The following PLLP variants were observed in gnomAD, a reference collection of about 807,000 sequenced individuals.
PLLP encodes the protein plasma membrane proteolipid (plasmolipin).
A neutral mutation model predicts 19.7 loss-of-function variants in PLLP; 15 were observed. The ratio of observed to expected loss-of-function variants is 0.76; its 90% CI spans 0.51 to 1.17. The LOEUF (loss-of-function observed/expected upper bound fraction) is 1.17, where lower values mean the gene tolerates loss of function less well. Ranked by LOEUF, PLLP falls within the 50% of genes most tolerant of loss-of-function variation. The pLI is 0.00. For missense variants in PLLP, 255 were observed against 258.3 expected (o/e 0.99, Z 0.09); for synonymous variants, 111 against 116.3 (o/e 0.95, Z 0.29).
At chr16:57,274,887 G>C (rs1052557895) in intron 1 of PLLP, among the ~76,000 whole-genome samples, 1 of 151,962 alleles carries the variant, frequency 6.6e-6, no homozygotes, top group East Asian at 1.9e-4. Flanking sequence ...TCAGCCTCCC[G>C]AGTAGCTGGG....
rs1339757514 is a variant in PLLP, at chr16:57,281,040, C to T, written c.135+3366G>A. On this transcript the variant is annotated intron_variant, in intron 1 of 3. Transcript: ENST00000219207. The stretch of plus-strand genomic sequence containing the variant: ...CTTCCATTTTCTCATTTATTTCCTG[C>T]TCCATGCAGCCTTCTCTGATCCCTC... 3.9e-5 allele frequency among the ~76,000 whole-genome samples: 6 copies of T among 152,310 alleles called. 1 individual carries two copies. The highest frequency in any genetic ancestry group is 3.9e-4 in the Admixed American group (6 of 15,292).
At chr16:57,281,683 T>C (rs1233987645) in intron 1 of PLLP, among the ~76,000 whole-genome samples, 4 of 151,762 alleles carry the variant, frequency 2.6e-5, no homozygotes, top group Admixed American at 6.6e-5. Flanking sequence ...GCTAATTTTG[T>C]TGTATTTTTA....
intron 3 of PLLP, among the ~76,000 whole-genome samples, chr16:57,257,840 G>A (rs143949759): frequency 6.6e-6 from 1 of 152,314 alleles, no homozygotes; most frequent in Non-Finnish European, 1.5e-5. Context: ...AAGGGGGCAC[G>A]TGACCCTAAG....
At chr16:57,277,356 G>A (rs897423886) in intron 1 of PLLP, among the ~76,000 whole-genome samples, 1 of 152,332 alleles carries the variant, frequency 6.6e-6, no homozygotes, top group Admixed American at 6.5e-5. Flanking sequence ...CTGGGAGGCC[G>A]AGGCGGGCGG....
At chr16:57,279,220 C>T (rs1362559249) in intron 1 of PLLP, among the ~76,000 whole-genome samples, 1 of 152,116 alleles carries the variant, frequency 6.6e-6, no homozygotes, top group Non-Finnish European at 1.5e-5. Flanking sequence ...TGGGAACTCC[C>T]CCAGGATCAT....
chr16:57,275,612 A>AC (rs1271620658), intron 1 of PLLP, among the ~76,000 whole-genome samples: 6 of 149,052 alleles, frequency 4.0e-5, no homozygotes, highest in African/African-American at 1.2e-4. Context: ...GCAAAAAAAA[A>AC]AAAAACACTA....
At chr16:57,283,752 T>A (rs1177573988) in intron 1 of PLLP, among the ~76,000 whole-genome samples, 1 of 152,026 alleles carries the variant, frequency 6.6e-6, no homozygotes, top group Non-Finnish European at 1.5e-5. Flanking sequence ...CTCGGTCCCG[T>A]GGGGCTGGCT....
chr16:57,261,815 C>T, intron 2 of PLLP, 82 bp downstream of exon 2: 2 of 1,287,180 alleles, frequency 1.6e-6, no homozygotes, highest in Non-Finnish European at 2.2e-6. Context: ...GTCAGGCCAC[C>T]CCCCCACACC....
chr16:57,281,600 TC>T (rs1480215202), intron 1 of PLLP, among the ~76,000 whole-genome samples: 1 of 147,410 alleles, frequency 6.8e-6, no homozygotes, highest in Non-Finnish European at 1.5e-5. Flanking sequence ...AAGCTCCACC[TC>T]CCGGGTTCAC....
intron 1 of PLLP, among the ~76,000 whole-genome samples, chr16:57,271,123 T>G (rs2075473680): frequency 6.6e-6 from 1 of 152,080 alleles, no homozygotes; most frequent in Admixed American, 6.5e-5. Flanking sequence ...GTATCGCTTG[T>G]TATTCCTGAG....
At position 57,256,809 on chromosome 16, in the gene PLLP, G is replaced by C. The variant is rs1597956646; in HGVS notation, c.*104C>G. The C allele has an allele frequency of 5.4e-6, 4 of 740,510 alleles. No individual in the cohort carries two copies. The East Asian group carries it at 1.0e-4, about 18-fold the overall frequency. 45.9% of individuals were successfully genotyped at this position (740,510 alleles called of 1,614,324 possible). Reference sequence around the variant, plus strand: ...GAGAGGAGCAAATGCAGTCCCTGTTGGGCTGACTCCACGCAGGGCTCCCCA... The same window carrying C: ...GAGAGGAGCAAATGCAGTCCCTGTTCGGCTGACTCCACGCAGGGCTCCCCA... On this transcript the variant is annotated 3_prime_UTR_variant, in exon 4 of 4. Transcript: ENST00000219207.
At chr16:57,264,367 G>A (rs758043809) in intron 1 of PLLP, among the ~76,000 whole-genome samples, 34 of 152,328 alleles carry the variant, frequency 2.2e-4, no homozygotes, top group Middle Eastern at 3.4e-3. Context: ...GATGCTGACC[G>A]AGTACCTTCC....
chr16:57,257,614 T>C (rs1196612005), intron 3 of PLLP, among the ~76,000 whole-genome samples: 1 of 152,054 alleles, frequency 6.6e-6, no homozygotes, highest in Admixed American at 6.6e-5. Context: ...TCCCTCACTG[T>C]GGGTGTCGCA....
Position 57,276,548 on chromosome 16 carries a change from T to C in PLLP, c.135+7858A>G, listed in dbSNP as rs1901155806. ...CAGAGGTTGCAGTGAGTCAAGATCA[T>C]GCCACTACACTCCAGGCTGGGTGAC... On this transcript the variant is annotated intron_variant, in intron 1 of 3. Transcript: ENST00000219207. Among the ~76,000 whole-genome samples, 5 of 144,444 alleles carry C rather than the reference T, an allele frequency of 3.5e-5. 1 individual carries two copies. In the South Asian group the frequency reaches 1.1e-3, roughly 31 times the overall value. The allele number at this position is 144,444 out of a possible 152,430, so 94.8% of individuals were successfully genotyped here.
intron 1 of PLLP, among the ~76,000 whole-genome samples, chr16:57,274,572 C>T (rs1901125181): frequency 6.6e-6 from 1 of 151,794 alleles, no homozygotes; most frequent in Admixed American, 6.6e-5. Flanking sequence ...CATGCCTCAG[C>T]CTCCCGAGTA....
At chr16:57,267,170 GAC>G (rs1405731607) in intron 1 of PLLP, among the ~76,000 whole-genome samples, 1 of 152,124 alleles carries the variant, frequency 6.6e-6, no homozygotes, top group Non-Finnish European at 1.5e-5. Flanking sequence ...GCCCTTCACT[GAC>G]TCTGAGGGAA....
chr16:57,268,340 G>A (rs186894291), intron 1 of PLLP, among the ~76,000 whole-genome samples: 5 of 152,334 alleles, frequency 3.3e-5, no homozygotes, highest in Non-Finnish European at 4.4e-5. Context: ...CATTGGTTCT[G>A]TTGGAGGGGT....
chr16:57,276,865 T>C (rs1901160678), intron 1 of PLLP, among the ~76,000 whole-genome samples: 3 of 152,130 alleles, frequency 2.0e-5, no homozygotes, highest in Admixed American at 2.0e-4. Context: ...ATGCACTTGG[T>C]GGCATTTCTT....
intron 2 of PLLP, among the ~76,000 whole-genome samples, chr16:57,259,844 G>T (rs2075436668): frequency 6.6e-6 from 1 of 151,962 alleles, no homozygotes; most frequent in Admixed American, 6.6e-5. Context: ...AAGAGTGATG[G>T]TGCCCACCGG....
Sources: gnomAD v4.1 joint callset for allele counts (sites outside exome capture counted in the v4.1 genomes callset) on GRCh38, gnomAD v4.1.1 for gene constraint, MANE v1.5 for transcripts, NCBI Gene and HGNC (gene_info 2026-07-23, HGNC 2026-07-21) for gene names.